Variants in NXPH1 observed in about 807,000 individuals in gnomAD.
NXPH1 encodes the protein neurexophilin 1.
A neutral mutation model predicts 23.7 loss-of-function variants in NXPH1; 5 were observed. That is an observed-to-expected ratio of 0.21 (90% confidence interval 0.11 to 0.44). The LOEUF is 0.44. NXPH1 is among the 20% of genes least tolerant of loss of function. The pLI is 0.99. For synonymous variants in NXPH1, 144 were observed against 122.2 expected (o/e 1.18, Z -1.18); for missense variants, 324 against 321.6 (o/e 1.01, Z -0.06).
At chr7:8,501,479 G>T (rs1817433521) in intron 2 of NXPH1, among the ~76,000 whole-genome samples, 1 of 151,956 alleles carries the variant, frequency 6.6e-6, no homozygotes, top group African/African-American at 2.4e-5. Context: ...TATGTCTTAT[G>T]AACAGAATTA....
intron 2 of NXPH1, among the ~76,000 whole-genome samples, chr7:8,598,601 G>C (rs10235624): frequency 0.27 from 40,933 of 152,032 alleles, 5,963 homozygotes; most frequent in African/African-American, 0.34. Context: ...GGGAAGCAAG[G>C]GGGTAGGGGA....
At chr7:8,441,746 C>A (rs180686225) in intron 2 of NXPH1, among the ~76,000 whole-genome samples, 1 of 152,184 alleles carries the variant, frequency 6.6e-6, no homozygotes, top group Non-Finnish European at 1.5e-5. Context: ...AACCCCTCCG[C>A]GCGCCCAAGA....
At chr7:8,496,906 A>G (rs906649932) in intron 2 of NXPH1, among the ~76,000 whole-genome samples, 2 of 152,136 alleles carry the variant, frequency 1.3e-5, no homozygotes, top group Non-Finnish European at 2.9e-5. Context: ...TCTAGGGTAC[A>G]TGTTCACAAT....
intron 2 of NXPH1, among the ~76,000 whole-genome samples, chr7:8,633,770 T>C (rs1820172100): frequency 6.6e-6 from 1 of 152,182 alleles, no homozygotes; most frequent in Non-Finnish European, 1.5e-5. Context: ...AATGCATGTT[T>C]GACAGTCTCT....
intron 2 of NXPH1, among the ~76,000 whole-genome samples, chr7:8,520,358 A>G (rs891945944): frequency 3.3e-5 from 5 of 152,200 alleles, no homozygotes; most frequent in Admixed American, 1.3e-4. Context: ...TTCTTGTTCT[A>G]TGATTGAGAT....
At chr7:8,524,345 T>C (rs889246341) in intron 2 of NXPH1, among the ~76,000 whole-genome samples, 1 of 152,002 alleles carries the variant, frequency 6.6e-6, no homozygotes, top group Non-Finnish European at 1.5e-5. Context: ...TATATCCTCT[T>C]AAGGCTTGGC....
chr7:8,667,199 T>C (rs951763100), intron 2 of NXPH1, among the ~76,000 whole-genome samples: 5 of 152,144 alleles, frequency 3.3e-5, no homozygotes, highest in African/African-American at 1.2e-4. Flanking sequence ...TTACTCTTTA[T>C]ACAAGGATAT....
At chr7:8,555,965 A>G (rs1387683225) in intron 2 of NXPH1, among the ~76,000 whole-genome samples, 1 of 151,678 alleles carries the variant, frequency 6.6e-6, no homozygotes, top group Non-Finnish European at 1.5e-5. Context: ...TATAATTTGC[A>G]CTGGGGTTAA....
At chr7:8,476,531 AT>A (rs1816974593) in intron 2 of NXPH1, among the ~76,000 whole-genome samples, 1 of 150,720 alleles carries the variant, frequency 6.6e-6, no homozygotes, top group Non-Finnish European at 1.5e-5. Context: ...CATATGAGGG[AT>A]TCATATAGAT....
rs199612885 is a variant in NXPH1 at position 8,493,193 on chromosome 7, G to GC, written c.54+57432dup. ...CCAGGGTTATATTATGGGATTTTCTGCCCCCCAAATAATGTGAGGACAATG... is the reference window on the plus strand; with the variant it reads ...CCAGGGTTATATTATGGGATTTTCTGCCCCCCCAAATAATGTGAGGACAATG... On this transcript the variant is annotated intron_variant, in intron 2 of 2. Transcript: ENST00000405863. 7.6e-4 allele frequency among the ~76,000 whole-genome samples: 115 copies of GC among 152,010 alleles called. 1 individual carries two copies. The East Asian group carries it at 0.019, about 25-fold the overall frequency.
intron 2 of NXPH1, among the ~76,000 whole-genome samples, chr7:8,618,758 A>G (rs963009427): frequency 1.3e-5 from 2 of 152,230 alleles, no homozygotes; most frequent in Non-Finnish European, 2.9e-5. Context: ...TATTTAATCC[A>G]ATATCTTTAT....
intron 2 of NXPH1, among the ~76,000 whole-genome samples, chr7:8,497,259 C>T (rs1224644869): frequency 2.0e-5 from 3 of 152,156 alleles, no homozygotes; most frequent in Non-Finnish European, 4.4e-5. Context: ...TCCACTCTAT[C>T]ATTGATGGAC....
chr7:8,436,897 T>C (rs1484611863), intron 2 of NXPH1, among the ~76,000 whole-genome samples: 1 of 152,254 alleles, frequency 6.6e-6, no homozygotes, highest in Non-Finnish European at 1.5e-5. Context: ...ACAGCGTTTC[T>C]CGGCCGTTGC....
chr7:8,557,277 AAACAAC>A (rs56699161), intron 2 of NXPH1, among the ~76,000 whole-genome samples: 27,053 of 151,038 alleles, frequency 0.18, 4,526 homozygotes, highest in African/African-American at 0.45. Context: ...TTAAGTGTTA[AAACAAC>A]AACAACAACA....
At chr7:8,650,273 T>TA (rs925447738) in intron 2 of NXPH1, among the ~76,000 whole-genome samples, 2 of 152,208 alleles carry the variant, frequency 1.3e-5, no homozygotes, top group Non-Finnish European at 2.9e-5. Context: ...GCTAAATATG[T>TA]AAAAAATAAA....
rs1816172855 is a variant in NXPH1 at position 8,435,368 on chromosome 7, C to G, written c.-110-236C>G. ...CGCCTGGGAACTCGCACCCGAGGAG[C>G]GCAGGGGGCAAGGAGCCCCTCACCC... is the stretch of plus-strand genomic sequence containing the variant. On this transcript the variant is annotated intron_variant, in intron 1 of 2. Transcript: ENST00000405863. This position sits in a 1 kb window ranked among gnomAD's most constrained non-coding sequence, Gnocchi z 5.9. 1 of 378,516 alleles carries G rather than the reference C, an allele frequency of 2.6e-6. No homozygotes were observed. The allele number at this position is 378,516 out of a possible 1,614,324, so 23.4% of individuals were successfully genotyped here. A position where few individuals can be genotyped will look rare whatever the true frequency, so the allele number is the denominator to read the frequency against.
At chr7:8,695,214 T>C (rs1236829966) in intron 2 of NXPH1, among the ~76,000 whole-genome samples, 1 of 152,222 alleles carries the variant, frequency 6.6e-6, no homozygotes, top group Non-Finnish European at 1.5e-5. Context: ...TTTAAGGTCT[T>C]GGCGGATGCT....
intron 2 of NXPH1, among the ~76,000 whole-genome samples, chr7:8,693,540 T>G (rs1821255107): frequency 6.6e-6 from 1 of 152,244 alleles, no homozygotes; most frequent in Non-Finnish European, 1.5e-5. Flanking sequence ...AAAACTTTGT[T>G]TCCTCATCTC....
intron 2 of NXPH1, among the ~76,000 whole-genome samples, chr7:8,488,142 A>G (rs1375941623): frequency 1.3e-5 from 2 of 152,076 alleles, no homozygotes; most frequent in African/African-American, 4.8e-5. Context: ...TAACTTATAG[A>G]TCTCATGAAC....
Sources: gnomAD v4.1 joint callset for allele counts (sites outside exome capture counted in the v4.1 genomes callset) on GRCh38, gnomAD v4.1.1 for gene constraint, Gnocchi (gnomAD v3.1) non-coding constraint, MANE v1.5 for transcripts, NCBI Gene and HGNC (gene_info 2026-07-23, HGNC 2026-07-21) for gene names.